The following PCDH15 variants were observed in gnomAD, a reference collection of about 807,000 sequenced individuals.
PCDH15 encodes the protein protocadherin-15.
PCDH15 carries 129 observed loss-of-function variants against 178.5 expected under a neutral mutation model. That is an observed-to-expected ratio of 0.72 (90% CI 0.63 to 0.84). The LOEUF is 0.84. PCDH15 is among the 40% of genes least tolerant of loss of function. PCDH15 has a pLI of 0.00. For missense variants in PCDH15, 2,230 were observed against 2,099.9 expected (o/e 1.06, Z -1.21); for synonymous variants, 800 against 732.0 (o/e 1.09, Z -1.50).
intron 1 of PCDH15, among the ~76,000 whole-genome samples, chr10:54,761,615 G>A (rs1947882706): frequency 6.6e-6 from 1 of 151,430 alleles, no homozygotes; most frequent in Non-Finnish European, 1.5e-5. Flanking sequence ...CCTGGGAGGT[G>A]GAGGTTGCAG....
At chr10:54,070,119 T>A (rs2094211217) in intron 17 of PCDH15, among the ~76,000 whole-genome samples, 1 of 152,244 alleles carries the variant, frequency 6.6e-6, no homozygotes, top group South Asian at 2.1e-4. Flanking sequence ...AATTTAAATG[T>A]GTCTTAGAAT....
At chr10:54,274,627 T>C (rs1022767373) in intron 8 of PCDH15, among the ~76,000 whole-genome samples, 5 of 147,512 alleles carry the variant, frequency 3.4e-5, no homozygotes, top group Non-Finnish European at 7.4e-5. Flanking sequence ...TGTGTGTGTG[T>C]GTGTGTGTGT....
At chr10:54,907,727 G>T (rs1954749401) in intron 2 of PCDH15, among the ~76,000 whole-genome samples, 2 of 152,080 alleles carry the variant, frequency 1.3e-5, no homozygotes, top group Non-Finnish European at 2.9e-5. Flanking sequence ...AACCAATGAG[G>T]TATATGTGTG....
chr10:55,499,693 A>G (rs1358566053), intron 2 of PCDH15, among the ~76,000 whole-genome samples: 3 of 151,878 alleles, frequency 2.0e-5, no homozygotes, highest in African/African-American at 2.4e-5. Context: ...CCATGTTGAC[A>G]TGTAATTTGT....
chr10:55,126,441 T>C (rs1459051342), intron 2 of PCDH15, among the ~76,000 whole-genome samples: 1 of 152,128 alleles, frequency 6.6e-6, no homozygotes, highest in Non-Finnish European at 1.5e-5. Context: ...ATTGCTTAAC[T>C]AGCACATTCC....
chr10:55,413,588 A>C (rs1838400169), intron 2 of PCDH15, among the ~76,000 whole-genome samples: 1 of 151,680 alleles, frequency 6.6e-6, no homozygotes, highest in South Asian at 2.1e-4. Context: ...TTTCAACTTT[A>C]AACAAAAGAG....
chr10:54,589,008 G>T (rs975374353), intron 2 of PCDH15, among the ~76,000 whole-genome samples: 1 of 151,938 alleles, frequency 6.6e-6, no homozygotes. Context: ...TGTCTGTCTT[G>T]TTCTCTGTTA....
At chr10:54,391,473 A>C (rs559499133) in intron 3 of PCDH15, among the ~76,000 whole-genome samples, 1 of 152,108 alleles carries the variant, frequency 6.6e-6, no homozygotes, top group African/African-American at 2.4e-5. Context: ...TAGATAAACC[A>C]ATGTGTTTTT....
Position 54,153,302 on chromosome 10 carries a change from G to GA in PCDH15, c.1591-10dup, listed in dbSNP as rs2044743282. The GA allele has an allele frequency of 1.2e-6, 2 of 1,613,550 alleles. No individual in the cohort carries two copies. Among genetic ancestry groups the GA allele is most frequent in the Non-Finnish European group, 1.7e-6 (2 of 1,179,778 alleles). ...GCGTCGACTGCAGTGAGCTGGAATT[G>GA]AAAATCACAACATAAATCCTCTTGG... On this transcript the variant is annotated splice_polypyrimidine_tract_variant and intron_variant, in intron 13 of 37. Transcript: ENST00000644397.
intron 5 of PCDH15, among the ~76,000 whole-genome samples, chr10:54,365,920 G>A (rs764553973): frequency 2.6e-5 from 4 of 152,092 alleles, no homozygotes; most frequent in Admixed American, 1.3e-4. Flanking sequence ...TACGAAGAGC[G>A]TAAGAGGGTA....
At chr10:54,795,667 C>T (rs2133619520) in intron 1 of PCDH15, among the ~76,000 whole-genome samples, 1 of 151,938 alleles carries the variant, frequency 6.6e-6, no homozygotes, top group East Asian at 1.9e-4. Context: ...TATGCTTTTT[C>T]ATTTAATTGA....
At chr10:55,127,361 G>A (rs979257147) in intron 2 of PCDH15, among the ~76,000 whole-genome samples, 1 of 152,018 alleles carries the variant, frequency 6.6e-6, no homozygotes, top group Non-Finnish European at 1.5e-5. Flanking sequence ...CTTACTGGAG[G>A]CTGAACCAAC....
chr10:53,837,662 A>G (rs896392716), intron 29 of PCDH15, among the ~76,000 whole-genome samples: 15 of 152,092 alleles, frequency 9.9e-5, no homozygotes, highest in African/African-American at 3.6e-4. Flanking sequence ...TAGTACATTT[A>G]TGCAGTGTTA....
chr10:54,955,083 GAATTGTTTTTTGCATT>G (rs1242138524), intron 2 of PCDH15, among the ~76,000 whole-genome samples: 1 of 151,096 alleles, frequency 6.6e-6, no homozygotes, highest in East Asian at 1.9e-4. Flanking sequence ...GTCCAATAGT[GAATTGTTTTTTGCATT>G]AATTGGATTC....
At chr10:54,767,019 C>T (rs1010179727) in intron 1 of PCDH15, among the ~76,000 whole-genome samples, 9 of 151,936 alleles carry the variant, frequency 5.9e-5, no homozygotes, top group Non-Finnish European at 8.8e-5. Context: ...TATTTACTAA[C>T]GTCTATAACC....
chr10:54,955,303 T>G (rs1838455995), intron 2 of PCDH15, among the ~76,000 whole-genome samples: 1 of 151,292 alleles, frequency 6.6e-6, no homozygotes, highest in African/African-American at 2.4e-5. Context: ...TTGTTTTTCT[T>G]TTTACCTCAT....
intron 8 of PCDH15, among the ~76,000 whole-genome samples, chr10:54,315,718 AGG>A (rs71007830): frequency 1.3e-5 from 2 of 151,204 alleles, no homozygotes; most frequent in Non-Finnish European, 2.9e-5. Flanking sequence ...TGGTATAAGG[AGG>A]GGGGGGTCCA....
At chr10:54,739,765 C>G (rs1944557722) in intron 1 of PCDH15, among the ~76,000 whole-genome samples, 1 of 151,712 alleles carries the variant, frequency 6.6e-6, no homozygotes, top group Non-Finnish European at 1.5e-5. Flanking sequence ...AAAAATGGTG[C>G]CAAGGACATA....
chr10:55,302,919 C>T (rs866707626), intron 1 of PCDH15, among the ~76,000 whole-genome samples: 8 of 152,104 alleles, frequency 5.3e-5, no homozygotes, highest in Non-Finnish European at 8.8e-5. Context: ...TAACTCTTGC[C>T]GAGGAAAAGG....
Sources: allele counts gnomAD v4.1 joint callset (sites outside exome capture counted in the v4.1 genomes callset), GRCh38; gene constraint gnomAD v4.1.1; transcripts MANE v1.5; gene names NCBI Gene and HGNC (gene_info 2026-07-23, HGNC 2026-07-21).